SDCCAG8: variants seen among roughly 807,000 people sequenced by gnomAD.
The protein encoded by SDCCAG8 is SHH signaling and ciliogenesis regulator SDCCAG8, also known as serologically defined colon cancer antigen 8.
Under a neutral mutation model 101.8 loss-of-function variants are expected in SDCCAG8, and 74 were observed. The ratio of observed to expected loss-of-function variants is 0.73; its 90% CI spans 0.60 to 0.88. The LOEUF (loss-of-function observed/expected upper bound fraction) is 0.88. SDCCAG8 is among the 40% of genes least tolerant of loss of function. The pLI, the probability that SDCCAG8 is intolerant of heterozygous loss-of-function variation, is 0.00. For missense variants in SDCCAG8, 787 were observed against 822.6 expected (o/e 0.96, Z 0.53); for synonymous variants, 281 against 292.9 (o/e 0.96, Z 0.41).
intron 4 of SDCCAG8, among the ~76,000 whole-genome samples, chr1:243,275,598 A>G (rs1409219271): frequency 6.6e-6 from 1 of 152,110 alleles, no homozygotes; most frequent in East Asian, 1.9e-4. Flanking sequence ...ATAATATCCT[A>G]GGAACTATTT....
chr1:243,420,392 T>A (rs544879526), intron 15 of SDCCAG8, among the ~76,000 whole-genome samples: 1 of 152,364 alleles, frequency 6.6e-6, no homozygotes, highest in South Asian at 2.1e-4. Context: ...CTGGTGGCAT[T>A]TTTAAGGGTC....
chr1:243,488,868 C>T (rs1665676372), intron 16 of SDCCAG8, 146 bp from the exon 17 acceptor site: 1 of 1,095,900 alleles, frequency 9.1e-7, no homozygotes, highest in African/African-American at 1.5e-5. Flanking sequence ...GGACCTAGTG[C>T]CAGCCAGAGC....
intron 8 of SDCCAG8, among the ~76,000 whole-genome samples, chr1:243,313,250 A>G (rs564876320): frequency 1.3e-5 from 2 of 152,342 alleles, no homozygotes; most frequent in Admixed American, 6.5e-5. Flanking sequence ...ACGGTGTAGT[A>G]ACACTTATTA....
At chr1:243,324,366 C>A (rs968571921) in intron 9 of SDCCAG8, among the ~76,000 whole-genome samples, 4 of 151,874 alleles carry the variant, frequency 2.6e-5, no homozygotes, top group Admixed American at 6.6e-5. Context: ...CAAGGTCTTT[C>A]TCTCTCTCTT....
At chr1:243,466,073 C>A (rs1029732173) in intron 16 of SDCCAG8, among the ~76,000 whole-genome samples, 4 of 152,184 alleles carry the variant, frequency 2.6e-5, no homozygotes, top group African/African-American at 9.7e-5. Context: ...AATAGCAATG[C>A]GCTATGAGCT....
chr1:243,443,017 A>G (rs907517794), intron 16 of SDCCAG8, among the ~76,000 whole-genome samples: 1 of 152,270 alleles, frequency 6.6e-6, no homozygotes, highest in Non-Finnish European at 1.5e-5. Flanking sequence ...TCAGTATGCA[A>G]TAAAGAGGGA....
At chr1:243,485,754 A>C (rs192535813) in intron 16 of SDCCAG8, among the ~76,000 whole-genome samples, 4 of 151,990 alleles carry the variant, frequency 2.6e-5, no homozygotes, top group Non-Finnish European at 5.9e-5. Context: ...AAATATAAAA[A>C]TTAGCTGGGC....
chr1:243,486,648 G>A (rs955324118), intron 16 of SDCCAG8, among the ~76,000 whole-genome samples: 2 of 152,230 alleles, frequency 1.3e-5, no homozygotes, highest in African/African-American at 4.8e-5. Context: ...CTGTGAGAGC[G>A]GCTTTGGCCC....
At position 243,428,821 on chromosome 1, in the gene SDCCAG8, GTGATAATTT is replaced by G. The variant is rs539609622; in HGVS notation, c.1985+2266_1985+2274del. On this transcript the variant is annotated intron_variant, in intron 16 of 17. Coordinates refer to ENST00000366541, the MANE Select transcript of SDCCAG8 (RefSeq NM_006642.5). ...TAACTGTAGCACACACTGTACTACC[GTGATAATTT>G]TGTAACCACCTCCTGTTGCTATTGC... Among the ~76,000 whole-genome samples the G allele has an allele frequency of 4.1e-3, 621 of 152,312 alleles. 5 individuals are homozygous for G. The highest frequency in any genetic ancestry group is 0.014 in the African/African-American group (593 of 41,560).
In SDCCAG8 at chr1:243,341,173, G is replaced by C; in HGVS notation, c.1356G>C (p.Lys452Asn). Reference protein sequence around the residue: ...QLASREMDVTKVCGEMRYQLN... With the variant: ...QLASREMDVTNVCGEMRYQLN... ...CTTCTCGGGAAATGGATGTCACAAAGGTACAGAAAGAGATTTTAGTGTAAT... is the reference window on the plus strand; with the variant it reads ...CTTCTCGGGAAATGGATGTCACAAACGTACAGAAAGAGATTTTAGTGTAAT... The change falls in exon 11 of 18, where the codon AAG (lysine) becomes AAC (asparagine). Residue 452 changes from lysine to asparagine, a missense_variant and splice_region_variant. Physicochemically the swap from Lys to Asn is moderately conservative, Grantham distance 94 (BLOSUM62 0). Coordinates refer to ENST00000366541, the MANE Select transcript of SDCCAG8 (RefSeq NM_006642.5). 1 of 1,613,852 alleles carries C rather than the reference G, an allele frequency of 6.2e-7. No homozygotes were observed. The highest frequency in any genetic ancestry group is 8.5e-7 in the Non-Finnish European group (1 of 1,179,866).
chr1:243,302,891 A>G (rs1023432617), intron 6 of SDCCAG8, among the ~76,000 whole-genome samples: 2 of 152,220 alleles, frequency 1.3e-5, no homozygotes, highest in African/African-American at 4.8e-5. Context: ...GGATTACAGC[A>G]TTGAAAATGC....
At chr1:243,318,249 A>G (rs1016036070) in intron 9 of SDCCAG8, among the ~76,000 whole-genome samples, 5 of 152,232 alleles carry the variant, frequency 3.3e-5, no homozygotes, top group Admixed American at 6.5e-5. Context: ...AAACTAACGC[A>G]GGAACAGAAA....
At chr1:243,388,494 G>C (rs2078460051) in intron 13 of SDCCAG8, among the ~76,000 whole-genome samples, 1 of 152,040 alleles carries the variant, frequency 6.6e-6, no homozygotes, top group Non-Finnish European at 1.5e-5. Context: ...CTCTTACTAG[G>C]GGAAAGGTGT....
chr1:243,460,889 C>T (rs1190929789), intron 16 of SDCCAG8, among the ~76,000 whole-genome samples: 4 of 152,190 alleles, frequency 2.6e-5, no homozygotes, highest in Non-Finnish European at 5.9e-5. Flanking sequence ...TGAAGAAAAC[C>T]ACAATTCCCA....
chr1:243,486,504 G>GC (rs1465512888), intron 16 of SDCCAG8, among the ~76,000 whole-genome samples: 2 of 152,138 alleles, frequency 1.3e-5, no homozygotes, highest in African/African-American at 4.8e-5. Context: ...GCCTTCCCAG[G>GC]CCCCCAGGTT....
At chr1:243,275,068 G>A (rs529196486) in intron 4 of SDCCAG8, among the ~76,000 whole-genome samples, 9 of 152,240 alleles carry the variant, frequency 5.9e-5, no homozygotes, top group East Asian at 1.9e-4. Context: ...ATTCTTCTCC[G>A]CTGTCAGTAT....
intron 13 of SDCCAG8, among the ~76,000 whole-genome samples, chr1:243,396,617 C>T (rs1182274537): frequency 6.6e-6 from 1 of 152,144 alleles, no homozygotes; most frequent in African/African-American, 2.4e-5. Context: ...TAGTATGATG[C>T]AATTTTTATA....
intron 13 of SDCCAG8, among the ~76,000 whole-genome samples, chr1:243,388,402 G>C (rs559843024): frequency 3.3e-5 from 5 of 152,090 alleles, no homozygotes; most frequent in Admixed American, 6.5e-5. Context: ...GCACACACAC[G>C]CACTTTTGGG....
intron 12 of SDCCAG8, chr1:243,346,273 A>G (rs2075701544): frequency 6.5e-6 from 1 of 154,394 alleles, no homozygotes; most frequent in Admixed American, 6.5e-5. Flanking sequence ...TGCACTCAAG[A>G]GAGAAATTTA....
Sources: gnomAD v4.1 joint callset for allele counts (sites outside exome capture counted in the v4.1 genomes callset) on GRCh38, gnomAD v4.1.1 for gene constraint, MANE v1.5 for transcripts, NCBI Gene and HGNC (gene_info 2026-07-23, HGNC 2026-07-21) for gene names.